The following HPSE2 variants were observed in gnomAD, a reference collection of about 807,000 sequenced individuals.
HPSE2 encodes the protein heparanase 2 (inactive).
HPSE2 carries 38 observed loss-of-function variants against 60.5 expected under a neutral mutation model. That is an observed-to-expected ratio of 0.63 (90% CI 0.48 to 0.82). HPSE2 has a LOEUF of 0.82. HPSE2 is among the 40% of genes least tolerant of loss of function. HPSE2 has a pLI of 0.00. For missense variants in HPSE2, 713 were observed against 740.4 expected (o/e 0.96, Z 0.43); for synonymous variants, 295 against 293.2 (o/e 1.01, Z -0.06).
rs569193103 is a variant in HPSE2, at chr10:99,091,767, T to C, written c.610+52471A>G. On this transcript the variant is annotated intron_variant, in intron 3 of 11. Transcript: ENST00000370552. Reference sequence around the variant, plus strand: ...ATTACTATGTCCCCTATTTCAAATGTTCTTGATGTTGTAGTTCTGCCGTAT... The same window carrying C: ...ATTACTATGTCCCCTATTTCAAATGCTCTTGATGTTGTAGTTCTGCCGTAT... 2.0e-5 allele frequency among the ~76,000 whole-genome samples: 3 copies of C among 152,346 alleles called. No homozygotes were observed. In the East Asian group the frequency reaches 5.8e-4, roughly 29 times the overall value.
At chr10:98,770,716 C>T (rs1950222853) in intron 3 of HPSE2, among the ~76,000 whole-genome samples, 1 of 152,110 alleles carries the variant, frequency 6.6e-6, no homozygotes, top group African/African-American at 2.4e-5. Context: ...ACCAGTTCCT[C>T]CCTGCTTCCA....
rs539800965 is a variant in HPSE2 at position 98,762,373 on chromosome 10, C to T, written c.611-18317G>A. ...AGAAGTGAGGAAAAGTCTCTTAAAT[C>T]CAGAGAGAAGGAGAGAGACAGAGAG... On this transcript the variant is annotated intron_variant, in intron 3 of 11. Transcript: ENST00000370552. Among the ~76,000 whole-genome samples, 4 of 151,820 alleles carry T rather than the reference C, an allele frequency of 2.6e-5. No homozygotes were observed. The South Asian group carries it at 8.3e-4, about 32-fold the overall frequency.
chr10:99,099,677 A>T (rs1448154215), intron 3 of HPSE2, among the ~76,000 whole-genome samples: 1 of 152,180 alleles, frequency 6.6e-6, no homozygotes, highest in East Asian at 1.9e-4. Context: ...GAGACCTAAG[A>T]ACAGACAGAC....
At chr10:99,303,470 G>T in the HPSE2 span, among the ~76,000 whole-genome samples, 3 of 152,146 alleles carry the variant, frequency 2.0e-5, no homozygotes, top group Non-Finnish European at 4.4e-5. Flanking sequence ...TAACCTCCCT[G>T]TTCGACCAGG....
intron 5 of HPSE2, among the ~76,000 whole-genome samples, chr10:98,696,961 CA>C (rs1289933878): frequency 1.3e-5 from 2 of 151,950 alleles, no homozygotes; most frequent in African/African-American, 4.8e-5. Context: ...ACAGCATCAA[CA>C]AAAAAATGTC....
intron 3 of HPSE2, among the ~76,000 whole-genome samples, chr10:98,837,125 C>T (rs548331226): frequency 4.6e-4 from 70 of 152,244 alleles, no homozygotes; most frequent in African/African-American, 1.6e-3. Flanking sequence ...CATAGCAATA[C>T]CTAGATTGGA....
intron 3 of HPSE2, among the ~76,000 whole-genome samples, chr10:99,006,867 G>T (rs890662508): frequency 6.6e-6 from 1 of 152,020 alleles, no homozygotes; most frequent in Non-Finnish European, 1.5e-5. Flanking sequence ...GCCAAGGGCT[G>T]CAGGATTCTG....
intron 4 of HPSE2, among the ~76,000 whole-genome samples, chr10:98,725,727 T>C (rs1396354521): frequency 6.6e-6 from 1 of 152,096 alleles, no homozygotes; most frequent in African/African-American, 2.4e-5. Flanking sequence ...AGAAAATTTT[T>C]GCAACCTACT....
At chr10:99,015,135 T>C (rs1359904575) in intron 3 of HPSE2, among the ~76,000 whole-genome samples, 2 of 151,808 alleles carry the variant, frequency 1.3e-5, no homozygotes, top group African/African-American at 4.8e-5. Context: ...CTCACACCAG[T>C]TAGAATGGCA....
chr10:98,788,422 G>C (rs1482439708), intron 3 of HPSE2, among the ~76,000 whole-genome samples: 1 of 93,110 alleles, frequency 1.1e-5, no homozygotes, highest in African/African-American at 3.4e-5. Flanking sequence ...TGCCCCCAGA[G>C]ATGGAGCCTA....
intron 2 of HPSE2, among the ~76,000 whole-genome samples, chr10:99,153,735 G>C (rs1375212563): frequency 2.0e-5 from 3 of 152,230 alleles, no homozygotes; most frequent in Non-Finnish European, 4.4e-5. Flanking sequence ...ACCAGCAACA[G>C]AACAAAGCTG....
intron 3 of HPSE2, among the ~76,000 whole-genome samples, chr10:99,000,424 A>G (rs1956751357): frequency 6.6e-6 from 1 of 152,196 alleles, no homozygotes; most frequent in South Asian, 2.1e-4. Context: ...TCATCTTTAC[A>G]GTGGTGGAAC....
At chr10:98,906,781 G>C (rs1249524887) in intron 3 of HPSE2, among the ~76,000 whole-genome samples, 1 of 152,030 alleles carries the variant, frequency 6.6e-6, no homozygotes, top group Non-Finnish European at 1.5e-5. Flanking sequence ...GCACGCACCA[G>C]TAGTCCCAGC....
intron 3 of HPSE2, among the ~76,000 whole-genome samples, chr10:99,079,188 G>C (rs957694714): frequency 1.3e-5 from 2 of 152,150 alleles, no homozygotes; most frequent in Admixed American, 6.5e-5. Context: ...TTCCCCACAA[G>C]AGGCAAGAAA....
At chr10:99,313,775 T>C in the HPSE2 span, among the ~76,000 whole-genome samples, 5 of 151,764 alleles carry the variant, frequency 3.3e-5, no homozygotes, top group South Asian at 8.3e-4. Flanking sequence ...ATTTTTTTTT[T>C]ATTTTTAGTA....
chr10:99,297,385 T>G, the HPSE2 span, among the ~76,000 whole-genome samples: 1 of 152,190 alleles, frequency 6.6e-6, no homozygotes, highest in East Asian at 1.9e-4. Context: ...GGTGAAGAGG[T>G]GACTGTTCCT....
chr10:98,770,434 C>G (rs1950215580), intron 3 of HPSE2, among the ~76,000 whole-genome samples: 1 of 152,186 alleles, frequency 6.6e-6, no homozygotes, highest in Non-Finnish European at 1.5e-5. Flanking sequence ...AGCTACTCCT[C>G]TTCTACATAT....
At chr10:99,147,241 T>C (rs1846088330) in intron 2 of HPSE2, among the ~76,000 whole-genome samples, 1 of 152,164 alleles carries the variant, frequency 6.6e-6, no homozygotes, top group African/African-American at 2.4e-5. Context: ...ATGAAACTCA[T>C]GAGCTTAAGA....
At chr10:98,970,216 G>A (rs1955917021) in intron 3 of HPSE2, among the ~76,000 whole-genome samples, 1 of 152,112 alleles carries the variant, frequency 6.6e-6, no homozygotes, top group Non-Finnish European at 1.5e-5. Flanking sequence ...GCCTGCCTCG[G>A]CCTCCCAAAG....
Sources: gnomAD v4.1 joint callset for allele counts (sites outside exome capture counted in the v4.1 genomes callset) on GRCh38, gnomAD v4.1.1 for gene constraint, MANE v1.5 for transcripts, NCBI Gene and HGNC (gene_info 2026-07-23, HGNC 2026-07-21) for gene names.